ASTN1: variants seen among roughly 807,000 people sequenced by gnomAD.
The protein encoded by ASTN1 is astrotactin-1.
Under a neutral mutation model 140.7 loss-of-function variants are expected in ASTN1, and 41 were observed. The observed-to-expected ratio is 0.29, with a 90% CI of 0.23 to 0.38. The LOEUF is 0.38. Ranked by LOEUF, ASTN1 falls within the 10% of genes least tolerant of loss-of-function variation. The probability of loss-of-function intolerance (pLI) is 1.00; values close to 1 mark genes in which losing one functional copy is unlikely to be tolerated. For synonymous variants in ASTN1, 640 were observed against 652.2 expected, an observed-to-expected ratio of 0.98 and a Z score of 0.29; for missense variants, 1,479 against 1,678.8, an observed-to-expected ratio of 0.88 and a Z score of 2.08.
chr1:177,011,978 G>A (rs886133821), intron 8 of ASTN1, among the ~76,000 whole-genome samples: 6 of 152,108 alleles, frequency 3.9e-5, no homozygotes, highest in African/African-American at 1.4e-4. Context: ...TTTGGCCTAG[G>A]ATTTGGTTGT....
chr1:177,000,933 T>C (rs1674699241), intron 8 of ASTN1, among the ~76,000 whole-genome samples: 1 of 152,186 alleles, frequency 6.6e-6, no homozygotes, highest in African/African-American at 2.4e-5. Flanking sequence ...CCTCTATGTG[T>C]CTAGAATTGT....
chr1:177,042,775 T>C (rs1677037628), intron 2 of ASTN1, among the ~76,000 whole-genome samples: 1 of 152,248 alleles, frequency 6.6e-6, no homozygotes, highest in Admixed American at 6.5e-5. Flanking sequence ...TGTTGTTTTA[T>C]GACCGTGTCA....
chr1:177,110,339 A>C (rs1680763589), intron 1 of ASTN1, among the ~76,000 whole-genome samples: 1 of 152,248 alleles, frequency 6.6e-6, no homozygotes, highest in Non-Finnish European at 1.5e-5. Context: ...GTAACATTTC[A>C]AAGTTAATTT....
chr1:177,149,542 A>AAAGT (rs1235422670), intron 1 of ASTN1, among the ~76,000 whole-genome samples: 1 of 73,708 alleles, frequency 1.4e-5, no homozygotes, highest in Non-Finnish European at 2.1e-5. Flanking sequence ...AAATATATAT[A>AAAGT]GTATATATAT....
At chr1:177,138,981 C>G (rs1239285563) in intron 1 of ASTN1, among the ~76,000 whole-genome samples, 1 of 152,212 alleles carries the variant, frequency 6.6e-6, no homozygotes, top group East Asian at 1.9e-4. Context: ...CATGCTCTTT[C>G]CACTCCGCCA....
intron 1 of ASTN1, among the ~76,000 whole-genome samples, chr1:177,108,453 T>C (rs1680659344): frequency 6.6e-6 from 1 of 152,116 alleles, no homozygotes; most frequent in South Asian, 2.1e-4. Flanking sequence ...AATCATACAG[T>C]ACTTCTCCTT....
intron 1 of ASTN1, among the ~76,000 whole-genome samples, chr1:177,075,078 CT>C (rs950961462): frequency 2.0e-5 from 3 of 151,888 alleles, no homozygotes; most frequent in South Asian, 2.1e-4. Flanking sequence ...CAATTTCTTG[CT>C]TTTTTTTATT....
intron 5 of ASTN1, among the ~76,000 whole-genome samples, chr1:177,026,198 C>G (rs1676102956): frequency 6.6e-6 from 1 of 152,184 alleles, no homozygotes; most frequent in Non-Finnish European, 1.5e-5. Context: ...TCTGGGTCCT[C>G]TGTCCTTGAT....
At chr1:177,087,881 A>C (rs11583509) in intron 1 of ASTN1, among the ~76,000 whole-genome samples, 69,316 of 151,960 alleles carry the variant, frequency 0.46, 17,255 homozygotes, top group Non-Finnish European at 0.57. Context: ...TGAAGTTCGG[A>C]GTTAAGGTCT....
At chr1:176,983,887 C>T (rs1339453434) in intron 8 of ASTN1, among the ~76,000 whole-genome samples, 1 of 152,206 alleles carries the variant, frequency 6.6e-6, no homozygotes, top group Non-Finnish European at 1.5e-5. Flanking sequence ...TTTCTGATTC[C>T]CATGGCTGAT....
rs148825650 is a variant in ASTN1 at position 177,141,126 on chromosome 1, G to C, written c.283+23268C>G. On this transcript the variant is annotated intron_variant, in intron 1 of 22. Transcript: ENST00000361833. Reference sequence around the variant, plus strand: ...AGCTACTCGGGAGGCTGAGGCAGGAGAATCGCTTGAACCTGGAAGGCGGAG... The same window carrying C: ...AGCTACTCGGGAGGCTGAGGCAGGACAATCGCTTGAACCTGGAAGGCGGAG... Among the ~76,000 whole-genome samples the C allele has an allele frequency of 4.4e-3, 674 of 152,310 alleles. 9 individuals are homozygous for C. The highest frequency in any genetic ancestry group is 0.016 in the African/African-American group (650 of 41,574).
chr1:176,980,395 G>C (rs1673558657), intron 8 of ASTN1, among the ~76,000 whole-genome samples: 1 of 152,128 alleles, frequency 6.6e-6, no homozygotes, highest in East Asian at 1.9e-4. Context: ...CAAGAAATGA[G>C]TAAGAAGAGT....
At chr1:177,084,264 C>G (rs532701393) in intron 1 of ASTN1, among the ~76,000 whole-genome samples, 1 of 152,150 alleles carries the variant, frequency 6.6e-6, no homozygotes, top group African/African-American at 2.4e-5. Context: ...CCACACTGAA[C>G]AAGGGCAAGA....
At chr1:177,156,121 T>C (rs982074424) in intron 1 of ASTN1, among the ~76,000 whole-genome samples, 2 of 151,834 alleles carry the variant, frequency 1.3e-5, no homozygotes, top group Admixed American at 6.6e-5. Flanking sequence ...AATACAAAAA[T>C]TAGCTGGGTG....
chr1:176,959,093 C>A (rs1038110787), intron 9 of ASTN1, among the ~76,000 whole-genome samples: 1 of 145,098 alleles, frequency 6.9e-6, no homozygotes, highest in African/African-American at 2.5e-5. Context: ...CCTTGGGATA[C>A]AGGGAAGATT....
At chr1:176,963,774 C>A (rs116278915) in intron 9 of ASTN1, among the ~76,000 whole-genome samples, 1 of 152,182 alleles carries the variant, frequency 6.6e-6, no homozygotes, top group Non-Finnish European at 1.5e-5. Context: ...ATCTTTATCA[C>A]GCTTTGAAGT....
chr1:176,883,608 C>T (rs892813597), intron 19 of ASTN1, among the ~76,000 whole-genome samples: 1 of 152,298 alleles, frequency 6.6e-6, no homozygotes, highest in Non-Finnish European at 1.5e-5. Context: ...TTGGAAGAAG[C>T]GGTAGGCAGC....
chr1:176,993,991 C>T (rs1192218569), intron 8 of ASTN1, among the ~76,000 whole-genome samples: 1 of 151,818 alleles, frequency 6.6e-6, no homozygotes, highest in Non-Finnish European at 1.5e-5. Flanking sequence ...ATCAGTGACT[C>T]ATTTAGATGT....
intron 1 of ASTN1, among the ~76,000 whole-genome samples, chr1:177,112,879 C>T (rs1032055533): frequency 2.0e-5 from 3 of 152,110 alleles, no homozygotes; most frequent in Admixed American, 6.5e-5. Context: ...CATCATCTCC[C>T]GCTTCTCCCT....
Sources: gnomAD v4.1 joint callset for allele counts (sites outside exome capture counted in the v4.1 genomes callset) on GRCh38, gnomAD v4.1.1 for gene constraint, MANE v1.5 for transcripts, NCBI Gene and HGNC (gene_info 2026-07-23, HGNC 2026-07-21) for gene names.